Variants in HIVEP3 observed in about 807,000 individuals in gnomAD.
HIVEP3 encodes the protein transcription factor HIVEP3.
A neutral mutation model predicts 152.8 loss-of-function variants in HIVEP3; 49 were observed. The observed-to-expected ratio is 0.32, with a 90% CI of 0.26 to 0.41. HIVEP3 has a LOEUF of 0.41. Among genes scored for constraint, HIVEP3 ranks in the 10% least tolerant of loss-of-function variants. The pLI is 1.00. For missense variants in HIVEP3, 2,790 were observed against 3,103.3 expected, an observed-to-expected ratio of 0.90 and a Z score of 2.40; for synonymous variants, 1,269 against 1,289.0, an observed-to-expected ratio of 0.98 and a Z score of 0.33.
intron 1 of HIVEP3, among the ~76,000 whole-genome samples, chr1:41,901,440 G>T (rs1644621554): frequency 6.6e-6 from 1 of 152,046 alleles, no homozygotes; most frequent in Admixed American, 6.6e-5. Context: ...ATTGTAAGAA[G>T]AGAAATCCTC....
chr1:41,932,896 C>T (rs769178255), intron 1 of HIVEP3, among the ~76,000 whole-genome samples: 13 of 151,856 alleles, frequency 8.6e-5, no homozygotes, highest in Admixed American at 3.9e-4. Flanking sequence ...CAGTTCAAAA[C>T]GCTTTTTTAA....
At chr1:41,575,764 T>G (rs534217348) in intron 4 of HIVEP3, 75 bp from the exon 5 acceptor site, 1 of 1,513,272 alleles carries the variant, frequency 6.6e-7, no homozygotes. Context: ...ATGCTAATAA[T>G]CATGCCTTAC....
intron 5 of HIVEP3, among the ~76,000 whole-genome samples, chr1:41,527,575 C>T (rs376465789): frequency 1.0e-4 from 15 of 145,840 alleles, no homozygotes; most frequent in African/African-American, 2.6e-4. Flanking sequence ...TTTCACACTC[C>T]ACACTCAAGC....
At chr1:41,860,326 T>C (rs1424972306) in intron 1 of HIVEP3, among the ~76,000 whole-genome samples, 3 of 152,074 alleles carry the variant, frequency 2.0e-5, no homozygotes, top group African/African-American at 7.2e-5. Flanking sequence ...ACAACAAACA[T>C]GTTCATAATC....
intron 1 of HIVEP3, among the ~76,000 whole-genome samples, chr1:41,738,192 G>A (rs1485369669): frequency 1.3e-5 from 2 of 152,186 alleles, no homozygotes; most frequent in Non-Finnish European, 2.9e-5. Flanking sequence ...TAGGAAGGAC[G>A]AGCGGGAAGC....
chr1:41,615,104 C>T (rs1462550479), intron 3 of HIVEP3, among the ~76,000 whole-genome samples: 3 of 152,148 alleles, frequency 2.0e-5, no homozygotes, highest in African/African-American at 2.4e-5. Flanking sequence ...ATAATGCCAT[C>T]GTATTGTATT....
chr1:41,817,277 CA>C (rs1267173284), intron 1 of HIVEP3, among the ~76,000 whole-genome samples: 1 of 152,010 alleles, frequency 6.6e-6, no homozygotes, highest in Non-Finnish European at 1.5e-5. Context: ...TAGGTCAGGA[CA>C]AAGGTGATGG....
intron 1 of HIVEP3, among the ~76,000 whole-genome samples, chr1:42,006,567 CAAAA>C (rs35692836): frequency 1.8e-4 from 24 of 132,842 alleles, no homozygotes; most frequent in Non-Finnish European, 2.8e-4. Flanking sequence ...TTTCCAAAGC[CAAAA>C]AAAAAAAAAA....
At chr1:41,833,656 A>G (rs1442399627) in intron 1 of HIVEP3, among the ~76,000 whole-genome samples, 2 of 152,176 alleles carry the variant, frequency 1.3e-5, no homozygotes, top group Non-Finnish European at 2.9e-5. Flanking sequence ...GGAGCTGGAC[A>G]TGGCTCCAGA....
rs569438317 is a variant in HIVEP3, at chr1:41,583,110, A to C, written c.1688T>G (p.Phe563Cys). Residue 563 changes from phenylalanine to cysteine, a missense_variant, in exon 4 of 9, where the codon TTC (phenylalanine) becomes TGC (cysteine). This residue lies in a region of HIVEP3 where 339 missense variants were observed against 327.0 expected (regional missense o/e 1.04). Transcript: ENST00000372583. This position sits in a 1 kb window ranked among gnomAD's most constrained non-coding sequence, Gnocchi z 6.9. Reference protein sequence around the residue: ...PHHPFRGSYSFDDHITDSEAL... With the variant: ...PHHPFRGSYSCDDHITDSEAL... ...TTCGGAGTCGGTGATATGGTCATCG[A>C]AGGAGTAGCTACCTCGGAAGGGGTG... 48 of 1,613,478 alleles carry C rather than the reference A, an allele frequency of 3.0e-5. No individual in the cohort carries two copies. The South Asian group carries it at 5.1e-4, about 17-fold the overall frequency.
intron 1 of HIVEP3, among the ~76,000 whole-genome samples, chr1:41,886,386 A>G (rs987929961): frequency 6.6e-6 from 1 of 152,150 alleles, no homozygotes; most frequent in Non-Finnish European, 1.5e-5. Context: ...GGCACCTGAG[A>G]CATAAAAATA....
rs1464328931 is a variant in HIVEP3 at position 41,709,015 on chromosome 1, A to C, written c.-800-8020T>G. ...GGAAGCCTTTCTCAGGGGTTCTGGG[A>C]AAGAGTTTCTTTGCTAATAAAAAGA... On this transcript the variant is annotated intron_variant, in intron 1 of 8. Coordinates refer to ENST00000372583, the MANE Select transcript of HIVEP3 (RefSeq NM_024503.5). Among the ~76,000 whole-genome samples the C allele has an allele frequency of 2.6e-5, 4 of 152,184 alleles. No homozygotes were observed. In the South Asian group the frequency reaches 6.2e-4, roughly 24 times the overall value.
chr1:41,876,435 T>C (rs1644172154), intron 1 of HIVEP3, among the ~76,000 whole-genome samples: 1 of 152,174 alleles, frequency 6.6e-6, no homozygotes, highest in Non-Finnish European at 1.5e-5. Flanking sequence ...TCCTCATCTG[T>C]AAAATAAAGA....
intron 1 of HIVEP3, among the ~76,000 whole-genome samples, chr1:41,856,466 G>C (rs1316928495): frequency 1.3e-5 from 2 of 152,144 alleles, no homozygotes; most frequent in African/African-American, 4.8e-5. Context: ...ATGGCCCTGT[G>C]AACTTAGCAA....
chr1:41,841,909 G>A (rs961826672), intron 1 of HIVEP3, among the ~76,000 whole-genome samples: 28 of 152,172 alleles, frequency 1.8e-4, no homozygotes, highest in Non-Finnish European at 2.8e-4. Flanking sequence ...GGCCAACATG[G>A]TGAAATCCCC....
chr1:41,931,200 T>C (rs1411787445), intron 1 of HIVEP3, among the ~76,000 whole-genome samples: 1 of 152,114 alleles, frequency 6.6e-6, no homozygotes, highest in African/African-American at 2.4e-5. Context: ...CCAAAGGTCA[T>C]ATTTTCTCCT....
intron 4 of HIVEP3, among the ~76,000 whole-genome samples, chr1:41,578,950 G>A (rs1446706378): frequency 6.6e-6 from 1 of 152,206 alleles, no homozygotes; most frequent in Admixed American, 6.5e-5. Flanking sequence ...CAAATCCCTA[G>A]GCTGGCCTTG....
chr1:41,790,874 T>C (rs1649650371), intron 1 of HIVEP3, among the ~76,000 whole-genome samples: 1 of 152,098 alleles, frequency 6.6e-6, no homozygotes. Flanking sequence ...ACAAGATGCA[T>C]CCATACTGAC....
intron 1 of HIVEP3, among the ~76,000 whole-genome samples, chr1:41,850,009 C>T (rs56312413): frequency 0.13 from 19,688 of 152,194 alleles, 1,589 homozygotes; most frequent in Admixed American, 0.19. Flanking sequence ...AATCTTAAAG[C>T]ACATACTCTA....
Sources: allele counts gnomAD v4.1 joint callset (sites outside exome capture counted in the v4.1 genomes callset), GRCh38; gene constraint gnomAD v4.1.1; regional missense constraint gnomAD v4.1.1; non-coding constraint Gnocchi (gnomAD v3.1); transcripts MANE v1.5; gene names NCBI Gene and HGNC (gene_info 2026-07-23, HGNC 2026-07-21).